ABCA12: variants seen among roughly 807,000 people sequenced by gnomAD.
ABCA12 encodes ATP binding cassette subfamily A member 12.
ABCA12 carries 156 observed loss-of-function variants against 293.5 expected under a neutral mutation model. The observed-to-expected ratio is 0.53, with a 90% CI of 0.47 to 0.61. The LOEUF is 0.61. Among genes scored for constraint, ABCA12 ranks in the 20% least tolerant of loss-of-function variants. The pLI is 0.00. For missense variants in ABCA12, 2,797 were observed against 3,090.2 expected (o/e 0.91, Z 2.25); for synonymous variants, 1,063 against 1,108.0 (o/e 0.96, Z 0.81).
chr2:214,968,763 C>A lies in ABCA12; in HGVS notation c.5735G>T (p.Arg1912Leu), dbSNP rs771938625. Residue 1912 changes from arginine (R) to leucine (L), a missense_variant, in exon 38 of 53, where the codon CGT (arginine) becomes CTT (leucine). Coordinates refer to ENST00000272895, the MANE Select transcript of ABCA12 (RefSeq NM_173076.3). Reference sequence around the variant, plus strand: ...GGCAGGGACTCCTGTTATATCAAAACGAAGGTCTTTTGTCAAAGGCAGCCC... The same window carrying A: ...GGCAGGGACTCCTGTTATATCAAAAAGAAGGTCTTTTGTCAAAGGCAGCCC... Reference protein sequence around the residue: ...SFGLPLTKDLRFDITGVPANR... With the variant: ...SFGLPLTKDLLFDITGVPANR... 1.9e-6 allele frequency: 3 copies of A among 1,613,154 alleles called. No homozygotes were observed. The African/African-American group carries it at 4.0e-5, about 22-fold the overall frequency.
chr2:215,099,998 ATC>A (rs771541522), intron 2 of ABCA12, among the ~76,000 whole-genome samples: 37 of 147,866 alleles, frequency 2.5e-4, no homozygotes, highest in South Asian at 1.7e-3. Context: ...GATGAAATTG[ATC>A]TCTCTCTCTC....
intron 42 of ABCA12, among the ~76,000 whole-genome samples, chr2:214,955,590 G>A (rs766907633): frequency 5.9e-5 from 9 of 152,178 alleles, no homozygotes; most frequent in Admixed American, 1.3e-4. Context: ...GGCTGAGGTC[G>A]GAGGATCAAG....
chr2:215,090,304 A>G (rs1236777545), intron 2 of ABCA12, among the ~76,000 whole-genome samples: 2 of 152,148 alleles, frequency 1.3e-5, no homozygotes, highest in Non-Finnish European at 2.9e-5. Flanking sequence ...GACACGTGTG[A>G]CATTTGGTGC....
chr2:215,083,339 C>A (rs1249114089), intron 2 of ABCA12, among the ~76,000 whole-genome samples: 1 of 152,136 alleles, frequency 6.6e-6, no homozygotes, highest in African/African-American at 2.4e-5. Context: ...TGCATACTAT[C>A]CTGAGTATGA....
chr2:215,008,246 G>A lies in ABCA12; in HGVS notation c.2473-400C>T, dbSNP rs549678521. Among the ~76,000 whole-genome samples, 9 of 152,206 alleles carry A rather than the reference G, an allele frequency of 5.9e-5. No individual in the cohort carries two copies. In the South Asian group the frequency reaches 1.9e-3, roughly 32 times the overall value. On this transcript the variant is annotated intron_variant, in intron 18 of 52. Transcript: ENST00000272895. ...CTGAGAATAGATGTTAGAGGTTTTT[G>A]GAAAGCAATTTGACAATGGCTATTA...
chr2:215,115,685 T>C (rs1032766179), intron 1 of ABCA12, among the ~76,000 whole-genome samples: 5 of 152,194 alleles, frequency 3.3e-5, no homozygotes, highest in Admixed American at 3.3e-4. Flanking sequence ...CTTTTATTTC[T>C]CCAGGATTTA....
At chr2:214,976,208 T>C (rs1261302404) in intron 33 of ABCA12, among the ~76,000 whole-genome samples, 171 bp from the exon 34 acceptor site, 3 of 152,226 alleles carry the variant, frequency 2.0e-5, no homozygotes, top group Non-Finnish European at 4.4e-5. Flanking sequence ...GGACCTTCCA[T>C]TGGGAAAACT....
intron 47 of ABCA12, 83 bp downstream of exon 47, chr2:214,948,513 G>A: frequency 6.9e-7 from 1 of 1,445,212 alleles, no homozygotes; most frequent in East Asian, 2.4e-5. Flanking sequence ...GGGGCAGGGG[G>A]GACAGTGGGT....
chr2:215,010,613 C>G (rs1473628412), intron 17 of ABCA12, 143 bp from the exon 18 acceptor site: 2 of 976,544 alleles, frequency 2.0e-6, no homozygotes, highest in African/African-American at 3.3e-5. Context: ...TGTGAGGCAT[C>G]TGGTGTCAAA....
In ABCA12 at chr2:215,019,623, T is replaced by C. The variant is rs777824948; in HGVS notation, c.1461A>G (p.Leu487=). Residue 487 remains leucine (L), a synonymous_variant, in exon 12 of 53, where the codon TTA becomes TTG. Transcript: ENST00000272895. ...TAGATATGACATTGTCATGGTACAGTAAGCTGGCTGCTATTTCGGTGCCCA... is the reference window on the plus strand; with the variant it reads ...TAGATATGACATTGTCATGGTACAGCAAGCTGGCTGCTATTTCGGTGCCCA... The part of the protein sequence containing the change: ...AELGTEIAAS[L]LYHDNVISKK... The C allele has an allele frequency of 6.2e-6, 10 of 1,614,212 alleles. No homozygotes were observed. The South Asian group carries it at 1.1e-4, about 18-fold the overall frequency.
At chr2:215,091,529 C>T (rs1391422527) in intron 2 of ABCA12, among the ~76,000 whole-genome samples, 1 of 152,162 alleles carries the variant, frequency 6.6e-6, no homozygotes, top group African/African-American at 2.4e-5. Context: ...TGGCAACAAC[C>T]CTTAGACGCT....
chr2:214,981,090 GAAA>G (rs771209301), intron 30 of ABCA12, among the ~76,000 whole-genome samples: 1 of 121,994 alleles, frequency 8.2e-6, no homozygotes, highest in Admixed American at 8.6e-5. Flanking sequence ...ATCTCAAAGG[GAAA>G]AAAAAAAAAA....
chr2:215,062,211 G>C (rs907818964), intron 3 of ABCA12, among the ~76,000 whole-genome samples: 1 of 151,982 alleles, frequency 6.6e-6, no homozygotes, highest in East Asian at 1.9e-4. Flanking sequence ...TCCGCTGCTA[G>C]AACATCAGCA....
intron 1 of ABCA12, among the ~76,000 whole-genome samples, chr2:215,116,613 T>G (rs867717966): frequency 6.6e-6 from 1 of 152,244 alleles, no homozygotes; most frequent in Non-Finnish European, 1.5e-5. Flanking sequence ...AATCCATGAA[T>G]CTATGCTGAT....
chr2:214,993,299 G>A (rs1699965013), intron 23 of ABCA12, among the ~76,000 whole-genome samples: 1 of 152,290 alleles, frequency 6.6e-6, no homozygotes, highest in Middle Eastern at 3.4e-3. Context: ...TGGAAAATAT[G>A]GGTCAAAGTA....
chr2:215,003,671 ATTTTT>A (rs11347715), intron 20 of ABCA12, among the ~76,000 whole-genome samples: 5 of 143,806 alleles, frequency 3.5e-5, no homozygotes, highest in African/African-American at 1.3e-4. Flanking sequence ...AATAATAATA[ATTTTT>A]TTTTTTTTGA....
At chr2:214,963,255 TACAA>T (rs773460355) in intron 39 of ABCA12, 2 of 151,884 alleles carry the variant, frequency 1.3e-5, no homozygotes, top group Non-Finnish European at 2.9e-5. Flanking sequence ...CCCATAGAAA[TACAA>T]ACAACCATCA....
intron 9 of ABCA12, among the ~76,000 whole-genome samples, chr2:215,027,714 T>G (rs1700780727): frequency 6.6e-6 from 1 of 152,238 alleles, no homozygotes; most frequent in Admixed American, 6.5e-5. Flanking sequence ...ACTCTCCGAT[T>G]CTTCTCTTGT....
intron 1 of ABCA12, among the ~76,000 whole-genome samples, chr2:215,119,737 A>G (rs1408737582): frequency 7.1e-6 from 1 of 141,472 alleles, no homozygotes; most frequent in East Asian, 1.9e-4. Context: ...TAAAAAGTAA[A>G]AAAAAAAAAA....
Sources: allele counts gnomAD v4.1 joint callset (sites outside exome capture counted in the v4.1 genomes callset), GRCh38; gene constraint gnomAD v4.1.1; transcripts MANE v1.5; gene names NCBI Gene and HGNC (gene_info 2026-07-23, HGNC 2026-07-21).